FAM20C: variants seen among roughly 807,000 people sequenced by gnomAD.
The protein encoded by FAM20C is extracellular serine/threonine protein kinase FAM20C.
A neutral mutation model predicts 51.5 loss-of-function variants in FAM20C; 40 were observed. That is an observed-to-expected ratio of 0.78 (90% CI 0.60 to 1.01). The LOEUF is 1.01. Among genes scored for constraint, FAM20C ranks in the 50% least tolerant of loss-of-function variants. The pLI is 0.00. For missense variants in FAM20C, 861 were observed against 844.7 expected (o/e 1.02, Z -0.24); for synonymous variants, 406 against 380.6 (o/e 1.07, Z -0.78).
intron 2 of FAM20C, among the ~76,000 whole-genome samples, chr7:201,091 C>G (rs754826204): frequency 1.2e-4 from 19 of 152,192 alleles, no homozygotes; most frequent in Non-Finnish European, 2.4e-4. Context: ...CTGAGCTCTC[C>G]CGGTGTCACA....
At chr7:195,500 G>A (rs10259846) in intron 1 of FAM20C, 54 bp from the exon 2 acceptor site, 4 of 1,383,288 alleles carry the variant, frequency 2.9e-6, no homozygotes, top group Admixed American at 2.7e-5. Flanking sequence ...CCCGTCATCC[G>A]ACTCACGGGC....
rs142631391 is a variant in FAM20C, at chr7:257,728, G to A, written c.1445+642G>A. On this transcript the variant is annotated intron_variant, in intron 8 of 9. Coordinates refer to ENST00000313766, the MANE Select transcript of FAM20C (RefSeq NM_020223.4). ...CCCACATACAGGGCTGGGGACAGGC[G>A]GGGTGGACCCACTGCCTGGGGTGCT... 7.7e-3 allele frequency among the ~76,000 whole-genome samples: 789 copies of A among 102,518 alleles called. 12 individuals carry two copies. Among genetic ancestry groups the A allele is most frequent in the African/African-American group, 0.026 (698 of 26,386 alleles). The allele number at this position is 102,518 out of a possible 152,430, so 67.3% of individuals were successfully genotyped here.
chr7:243,119 C>T (rs1788008693), intron 3 of FAM20C, among the ~76,000 whole-genome samples: 1 of 105,412 alleles, frequency 9.5e-6, no homozygotes, highest in Admixed American at 8.8e-5. Context: ...CTGTGCCACC[C>T]AAGAGACCTG....
In FAM20C at chr7:193,261, G is replaced by A. The variant is rs1243082941; in HGVS notation, c.62G>A (p.Cys21Tyr). The change falls in exon 1 of 10, where the codon TGC becomes TAC. Residue 21 changes from cysteine (C) to tyrosine (Y), a missense_variant. This residue lies in a region of FAM20C where 561 missense variants were observed against 499.8 expected (regional missense o/e 1.12). Coordinates refer to ENST00000313766, the MANE Select transcript of FAM20C (RefSeq NM_020223.4). The part of the protein sequence containing the change: ...VLILMVFLVA[C>Y]ALHIALDLLP... ...ATCCTGATGGTGTTCCTGGTGGCCT[G>A]CGCGCTGCACATCGCCCTGGACCTG... The A allele has an allele frequency of 2.0e-6, 3 of 1,466,358 alleles. No homozygotes were observed. The East Asian group carries it at 8.7e-5, about 43-fold the overall frequency. 90.8% of individuals were successfully genotyped at this position (1,466,358 alleles called of 1,614,324 possible).
At chr7:243,839 A>G (rs1788033634) in intron 3 of FAM20C, among the ~76,000 whole-genome samples, 1 of 152,026 alleles carries the variant, frequency 6.6e-6, no homozygotes, top group Non-Finnish European at 1.5e-5. Flanking sequence ...TCAGGCACCC[A>G]GTGGTGCAGG....
chr7:256,948 C>T, intron 7 of FAM20C, 57 bp from the exon 8 acceptor site: 1 of 1,525,486 alleles, frequency 6.6e-7, no homozygotes, highest in East Asian at 2.4e-5. Context: ...ACAGAGGCCT[C>T]TGAGCTACGT....
rs1279747163 is a variant in FAM20C, at chr7:256,959, G to A, written c.1364-46G>A. 5 of 1,531,586 alleles carry A rather than the reference G, an allele frequency of 3.3e-6. No homozygotes were observed. The African/African-American group carries it at 6.9e-5, about 21-fold the overall frequency. 94.9% of individuals were successfully genotyped at this position (1,531,586 alleles called of 1,614,324 possible). On this transcript the variant is annotated intron_variant, in intron 7 of 9. Transcript: ENST00000313766. ...GAGCACAGAGGCCTCTGAGCTACGTGGCCCGGCTCCCCACGAGCTGTGACA... is the reference window on the plus strand; with the variant it reads ...GAGCACAGAGGCCTCTGAGCTACGTAGCCCGGCTCCCCACGAGCTGTGACA...
intron 3 of FAM20C, chr7:227,776 T>C (rs1487137793): frequency 6.6e-6 from 1 of 152,368 alleles, no homozygotes; most frequent in East Asian, 1.9e-4. Context: ...GCAATTCTTT[T>C]TCCCCGTTTG....
intron 3 of FAM20C, among the ~76,000 whole-genome samples, chr7:226,196 A>G (rs955375669): frequency 3.9e-5 from 6 of 152,110 alleles, no homozygotes; most frequent in Non-Finnish European, 8.8e-5. Context: ...GCCTGGGCCC[A>G]CTGCAGGCCG....
intron 3 of FAM20C, among the ~76,000 whole-genome samples, chr7:218,612 C>T (rs78333180): frequency 0.057 from 8,622 of 152,096 alleles, 289 homozygotes; most frequent in Non-Finnish European, 0.086. Flanking sequence ...CGCCTCCTGG[C>T]TCTCTGGACA....
Position 206,447 on chromosome 7 carries a change from C to T in FAM20C, c.785-2451C>T, listed in dbSNP as rs951787881. ...ACCAGCCCCCATCCCACCTTTGCACCCTCCCGTGCACTGTGATGCGTTGGC... is the reference window on the plus strand; with the variant it reads ...ACCAGCCCCCATCCCACCTTTGCACTCTCCCGTGCACTGTGATGCGTTGGC... On this transcript the variant is annotated intron_variant, in intron 2 of 9. Transcript: ENST00000313766. Among the ~76,000 whole-genome samples the T allele has an allele frequency of 5.3e-5, 8 of 152,266 alleles. No individual in the cohort carries two copies. In the East Asian group the frequency reaches 1.5e-3, roughly 29 times the overall value.
chr7:241,636 G>A (rs903010126), intron 3 of FAM20C, among the ~76,000 whole-genome samples: 2 of 152,030 alleles, frequency 1.3e-5, no homozygotes, highest in Non-Finnish European at 1.5e-5. Flanking sequence ...GTGAGTGTGC[G>A]AGTGTATGGA....
rs574190564 is a variant in FAM20C, at chr7:253,276, C to T, written c.1073-2573C>T. Among the ~76,000 whole-genome samples the T allele has an allele frequency of 3.9e-5, 6 of 152,308 alleles. No individual in the cohort carries two copies. In the South Asian group the frequency reaches 8.3e-4, roughly 21 times the overall value. On this transcript the variant is annotated intron_variant, in intron 5 of 9. Transcript: ENST00000313766. ...GATGGCAGACGTCCGCCTTGCAAAA[C>T]GCTCCTCCTGCTGGGTCAGCCCCGA... is the stretch of plus-strand genomic sequence containing the variant.
intron 3 of FAM20C, among the ~76,000 whole-genome samples, chr7:230,884 G>T (rs1471725799): frequency 2.6e-5 from 4 of 152,094 alleles, no homozygotes; most frequent in Non-Finnish European, 4.4e-5. Flanking sequence ...ATACCTACCA[G>T]TAAATGAAGG....
At chr7:259,668 G>C in intron 9 of FAM20C, 63 bp from the exon 10 acceptor site, 1 of 1,376,260 alleles carries the variant, frequency 7.3e-7, no homozygotes, top group African/African-American at 2.2e-5. Flanking sequence ...ACTTTCTCTC[G>C]CTTTCCCGTG....
chr7:230,394 C>A (rs932899834), intron 3 of FAM20C, among the ~76,000 whole-genome samples: 11 of 138,272 alleles, frequency 8.0e-5, no homozygotes, highest in Admixed American at 2.9e-4. Context: ...GGAACAGATC[C>A]CCGTGGCTTA....
chr7:244,779 C>T (rs1283105943), intron 3 of FAM20C, among the ~76,000 whole-genome samples: 2 of 152,210 alleles, frequency 1.3e-5, no homozygotes, highest in African/African-American at 4.8e-5. Flanking sequence ...TTGCGCCTAC[C>T]CAGGGCCCTG....
At position 243,944 on chromosome 7, in the gene FAM20C, A is replaced by ATT. The variant is rs1554254465; in HGVS notation, c.864-2471_864-2470insTT. Among the ~76,000 whole-genome samples the ATT allele has an allele frequency of 3.8e-3, 525 of 136,824 alleles. 4 individuals are homozygous for ATT. The highest frequency in any genetic ancestry group is 0.025 in the East Asian group (116 of 4,652). The allele number at this position is 136,824 out of a possible 152,430, so 89.8% of individuals were successfully genotyped here. A position where few individuals can be genotyped will look rare whatever the true frequency, so the allele number is the denominator to read the frequency against. On this transcript the variant is annotated intron_variant, in intron 3 of 9. Transcript: ENST00000313766. Reference sequence around the variant, plus strand: ...AAATAATAATAATAATAATAATAATAATTATTATTATTATTATTTGGAGAC... The same window carrying ATT: ...AAATAATAATAATAATAATAATAATATTATTATTATTATTATTATTTGGAGAC...
At chr7:254,906 G>T (rs913480868) in intron 5 of FAM20C, among the ~76,000 whole-genome samples, 14 of 151,570 alleles carry the variant, frequency 9.2e-5, no homozygotes, top group African/African-American at 3.4e-4. Context: ...CTCGGGTTCA[G>T]TGAGGGCTTC....
Sources: gnomAD v4.1 joint callset for allele counts (sites outside exome capture counted in the v4.1 genomes callset) on GRCh38, gnomAD v4.1.1 for gene constraint, gnomAD v4.1.1 regional missense constraint, MANE v1.5 for transcripts, NCBI Gene and HGNC (gene_info 2026-07-23, HGNC 2026-07-21) for gene names.